Variants in XRCC4 observed in about 807,000 individuals in gnomAD.
The protein encoded by XRCC4 is X-ray repair cross complementing 4.
Under a neutral mutation model 39.1 loss-of-function variants are expected in XRCC4, and 28 were observed. That is an observed-to-expected ratio of 0.72 (90% CI 0.53 to 0.98). The LOEUF is 0.98. XRCC4 is among the 50% of genes least tolerant of loss of function. The pLI, the probability that XRCC4 is intolerant of heterozygous loss-of-function variation, is 0.00. For missense variants in XRCC4, 350 were observed against 376.4 expected (o/e 0.93, Z 0.58); for synonymous variants, 123 against 126.4 (o/e 0.97, Z 0.18).
intron 6 of XRCC4, among the ~76,000 whole-genome samples, chr5:83,214,442 C>T (rs1025580521): frequency 1.3e-5 from 2 of 152,120 alleles, no homozygotes; most frequent in Non-Finnish European, 2.9e-5. Flanking sequence ...AAAATTGCTC[C>T]TGGCCATGGT....
chr5:83,326,666 G>C (rs2112151774), intron 7 of XRCC4, among the ~76,000 whole-genome samples: 1 of 152,146 alleles, frequency 6.6e-6, no homozygotes, highest in South Asian at 2.1e-4. Context: ...TGCATAATGT[G>C]AGTTTTTTGT....
At chr5:83,344,950 G>A (rs1171265129) in intron 7 of XRCC4, among the ~76,000 whole-genome samples, 1 of 152,150 alleles carries the variant, frequency 6.6e-6, no homozygotes, top group Non-Finnish European at 1.5e-5. Context: ...CTAATCTGGT[G>A]TAAAATATTT....
chr5:83,139,556 A>T (rs376930781), intron 3 of XRCC4, among the ~76,000 whole-genome samples: 1 of 152,192 alleles, frequency 6.6e-6, no homozygotes, highest in Non-Finnish European at 1.5e-5. Flanking sequence ...ATACAGTCAC[A>T]TGTTGTTTAA....
intron 6 of XRCC4, among the ~76,000 whole-genome samples, chr5:83,205,914 A>C (rs1751402147): frequency 6.6e-6 from 1 of 151,668 alleles, no homozygotes; most frequent in Non-Finnish European, 1.5e-5. Flanking sequence ...TGCCAAACAG[A>C]AAACAAAAAC....
intron 3 of XRCC4, among the ~76,000 whole-genome samples, chr5:83,185,960 C>G (rs948152305): frequency 2.0e-5 from 3 of 152,038 alleles, no homozygotes; most frequent in Non-Finnish European, 2.9e-5. Context: ...ATTGCCAAAC[C>G]AGAAAAATAC....
intron 3 of XRCC4, among the ~76,000 whole-genome samples, chr5:83,182,047 C>T (rs1172591669): frequency 6.6e-6 from 1 of 152,112 alleles, no homozygotes; most frequent in African/African-American, 2.4e-5. Flanking sequence ...TCCCTTTCCC[C>T]AAACAGGAAG....
intron 6 of XRCC4, among the ~76,000 whole-genome samples, chr5:83,225,164 C>T (rs1752238786): frequency 6.6e-6 from 1 of 152,010 alleles, no homozygotes; most frequent in African/African-American, 2.4e-5. Flanking sequence ...TTGTGTTTGT[C>T]CAAACTGTTA....
chr5:83,148,418 A>G (rs936532902), intron 3 of XRCC4, among the ~76,000 whole-genome samples: 1 of 152,138 alleles, frequency 6.6e-6, no homozygotes, highest in Non-Finnish European at 1.5e-5. Flanking sequence ...CTTCAGTTAA[A>G]TTGTTTATGA....
At chr5:83,117,057 C>T (rs1038805443) in intron 3 of XRCC4, among the ~76,000 whole-genome samples, 7 of 152,146 alleles carry the variant, frequency 4.6e-5, no homozygotes, top group African/African-American at 1.2e-4. Context: ...CAAAACTTCC[C>T]TTAGGCTTTA....
At chr5:83,085,266 G>C (rs540920714) in intron 1 of XRCC4, among the ~76,000 whole-genome samples, 3 of 152,048 alleles carry the variant, frequency 2.0e-5, no homozygotes, top group Non-Finnish European at 4.4e-5. Flanking sequence ...TCAAAGTCTT[G>C]ACAGTATAAA....
chr5:83,125,073 T>G (rs1478175590), intron 3 of XRCC4, among the ~76,000 whole-genome samples: 1 of 152,236 alleles, frequency 6.6e-6, no homozygotes, highest in Non-Finnish European at 1.5e-5. Flanking sequence ...AATGGACATT[T>G]CTTTAATGGC....
chr5:83,168,687 A>G (rs7716327), intron 3 of XRCC4, among the ~76,000 whole-genome samples: 2,275 of 152,272 alleles, frequency 0.015, 74 homozygotes, highest in African/African-American at 0.052. Context: ...CTTAATTACA[A>G]AAAAATTGTC....
chr5:83,322,643 C>T (rs1039283630), intron 7 of XRCC4, among the ~76,000 whole-genome samples: 2 of 152,142 alleles, frequency 1.3e-5, no homozygotes. Context: ...AATACAATTA[C>T]ATAGATCTTT....
chr5:83,292,032 A>G (rs1337302669), intron 7 of XRCC4, among the ~76,000 whole-genome samples: 2 of 149,978 alleles, frequency 1.3e-5, no homozygotes, highest in African/African-American at 4.9e-5. Context: ...ACATCTTATA[A>G]ATGAGATATC....
chr5:83,229,798 C>T (rs921230424), intron 6 of XRCC4, among the ~76,000 whole-genome samples: 1 of 149,558 alleles, frequency 6.7e-6, no homozygotes, highest in Non-Finnish European at 1.5e-5. Flanking sequence ...CAGTTTCAGT[C>T]TCATTAAATA....
intron 7 of XRCC4, among the ~76,000 whole-genome samples, chr5:83,276,274 G>A (rs1023909811): frequency 1.3e-5 from 2 of 152,120 alleles, no homozygotes; most frequent in Admixed American, 1.3e-4. Flanking sequence ...GCATTTCTAA[G>A]ATAGGTTAGG....
At chr5:83,140,781 T>C (rs1376655417) in intron 3 of XRCC4, among the ~76,000 whole-genome samples, 1 of 152,230 alleles carries the variant, frequency 6.6e-6, no homozygotes, top group Non-Finnish European at 1.5e-5. Flanking sequence ...TCATTTTGGA[T>C]TCATCTCAAT....
chr5:83,315,756 C>A (rs759738053), intron 7 of XRCC4, among the ~76,000 whole-genome samples: 6 of 152,100 alleles, frequency 3.9e-5, no homozygotes, highest in Non-Finnish European at 7.4e-5. Flanking sequence ...AAAAAAGATT[C>A]CTTTCAAAAT....
chr5:83,176,453 G>A (rs1429808049), intron 3 of XRCC4, among the ~76,000 whole-genome samples: 1 of 152,116 alleles, frequency 6.6e-6, no homozygotes, highest in African/African-American at 2.4e-5. Flanking sequence ...CAAGGTGCAG[G>A]GTAGAGGCCG....
Sources: allele counts gnomAD v4.1 joint callset (sites outside exome capture counted in the v4.1 genomes callset), GRCh38; gene constraint gnomAD v4.1.1; transcripts MANE v1.5; gene names NCBI Gene and HGNC (gene_info 2026-07-23, HGNC 2026-07-21).